Variants in NHSL2 observed in about 807,000 individuals in gnomAD.
NHSL2 encodes NHS like 2.
In NHSL2, 27 loss-of-function variants were observed where a neutral mutation model predicts 53.4. That is an observed-to-expected ratio of 0.51 (90% CI 0.37 to 0.70). The LOEUF (loss-of-function observed/expected upper bound fraction) is 0.70, where lower values mean the gene tolerates loss of function less well. NHSL2 is among the 30% of genes least tolerant of loss of function. NHSL2 has a pLI of 0.00. For synonymous variants in NHSL2, 408 were observed against 404.1 expected, an observed-to-expected ratio of 1.01 and a Z score of -0.12; for missense variants, 892 against 980.1, an observed-to-expected ratio of 0.91 and a Z score of 1.20.
At chrX:71,990,098 G>C (rs1467007934) in intron 1 of NHSL2, among the ~76,000 whole-genome samples, 3 of 112,305 alleles carry the variant, frequency 2.7e-5, no homozygotes, top group Non-Finnish European at 3.8e-5. Flanking sequence ...CCACAGAGCT[G>C]CTTTGGAGTG....
At chrX:72,098,262 A>G (rs2041958715) in intron 1 of NHSL2, among the ~76,000 whole-genome samples, 2 of 111,907 alleles carry the variant, frequency 1.8e-5, no homozygotes, top group Non-Finnish European at 3.8e-5. Context: ...GTTTGGAAAG[A>G]ATAGGACAGA....
chrX:72,052,097 G>A (rs1446881383), intron 1 of NHSL2, among the ~76,000 whole-genome samples: 1 of 112,209 alleles, frequency 8.9e-6, no homozygotes, highest in African/African-American at 3.2e-5. Flanking sequence ...GTTTTCCTTT[G>A]TTGCTTAGAA....
rs777290981 is a variant in NHSL2, at chrX:72,140,519, G to A, written c.2971G>A (p.Glu991Lys). The A allele has an allele frequency of 8.3e-7, 1 of 1,211,194 alleles. No individual in the cohort carries two copies. The highest frequency in any genetic ancestry group is 1.1e-6 in the Non-Finnish European group (1 of 895,247). ...LPERISLQSQ[E>K]EAEKKKGKIP... ...TGAAAGAATTAGCCTCCAGAGCCAG[G>A]AAGAAGCTGAGAAAAAGAAAGGCAA... The change falls in exon 6 of 8, where the codon GAA becomes AAA. Residue 991 changes from glutamate to lysine, a missense_variant. By Grantham distance (56) the Glu-to-Lys change is moderately conservative. Transcript: ENST00000633930.
At chrX:72,066,792 C>G (rs907286625) in intron 1 of NHSL2, among the ~76,000 whole-genome samples, 3 of 111,008 alleles carry the variant, frequency 2.7e-5, no homozygotes, top group African/African-American at 9.9e-5. Flanking sequence ...GTATTATCTA[C>G]CTGACAGGGC....
intron 1 of NHSL2, among the ~76,000 whole-genome samples, chrX:72,035,930 A>C (rs753134875): frequency 8.1e-5 from 9 of 111,750 alleles, no homozygotes; most frequent in African/African-American, 2.9e-4. Flanking sequence ...TTACCACCTG[A>C]GCTCCGCCTC....
rs149705712 is a variant in NHSL2 at position 71,919,514 on chromosome X, T to C, written c.280+8147T>C. ...TAATAAGAATGTTCCTAGACAGCTATGAATTGCAGCCATTCTTCCCTTTTC... is the reference window on the plus strand; with the variant it reads ...TAATAAGAATGTTCCTAGACAGCTACGAATTGCAGCCATTCTTCCCTTTTC... On this transcript the variant is annotated intron_variant, in intron 1 of 7. Transcript: ENST00000633930. Among the ~76,000 whole-genome samples the C allele has an allele frequency of 3.4e-3, 377 of 112,068 alleles. 1 individual carries two copies. The highest frequency in any genetic ancestry group is 5.5e-3 in the Non-Finnish European group (290 of 53,144).
chrX:72,059,532 G>T (rs1474383083), intron 1 of NHSL2, among the ~76,000 whole-genome samples: 1 of 112,049 alleles, frequency 8.9e-6, no homozygotes, highest in Non-Finnish European at 1.9e-5. Context: ...TTATGCTGTT[G>T]CTCAAAACGT....
chrX:71,935,071 ACACT>A (rs916574354), intron 1 of NHSL2, among the ~76,000 whole-genome samples: 1 of 111,803 alleles, frequency 8.9e-6, no homozygotes, highest in African/African-American at 3.3e-5. Flanking sequence ...TCACAAACAC[ACACT>A]CACACACATC....
intron 1 of NHSL2, among the ~76,000 whole-genome samples, chrX:72,002,096 T>A (rs1170663757): frequency 2.7e-5 from 3 of 112,400 alleles, no homozygotes; most frequent in African/African-American, 9.7e-5. Flanking sequence ...CAGAAAAATC[T>A]GGTAATACTG....
intron 1 of NHSL2, among the ~76,000 whole-genome samples, chrX:72,026,794 A>C (rs1057495323): frequency 2.1e-4 from 23 of 111,919 alleles, no homozygotes; most frequent in African/African-American, 7.5e-4. Context: ...CTCCCCATCT[A>C]CCCACTCATA....
intron 1 of NHSL2, among the ~76,000 whole-genome samples, chrX:72,016,153 G>A (rs1244575722): frequency 3.6e-5 from 4 of 112,355 alleles, no homozygotes; most frequent in Non-Finnish European, 7.5e-5. Flanking sequence ...TGGAATATGT[G>A]TGTGTATAGT....
intron 1 of NHSL2, among the ~76,000 whole-genome samples, chrX:71,932,520 G>A (rs866506305): frequency 3.6e-5 from 4 of 111,337 alleles, no homozygotes; most frequent in Middle Eastern, 4.6e-3. Flanking sequence ...GGATATTACC[G>A]TAGTCCGAGA....
chrX:71,982,307 GC>G (rs1450244280), intron 1 of NHSL2, among the ~76,000 whole-genome samples: 14 of 112,441 alleles, frequency 1.2e-4, no homozygotes, highest in African/African-American at 4.2e-4. Flanking sequence ...ACTAGTTGTT[GC>G]CAGGGGCTGG....
intron 1 of NHSL2, among the ~76,000 whole-genome samples, chrX:71,921,183 C>T (rs896117934): frequency 8.3e-5 from 9 of 108,702 alleles, no homozygotes; most frequent in Admixed American, 3.9e-4. Context: ...TTTGGGAGGC[C>T]GAGGCTGGTG....
chrX:71,924,851 CCT>C (rs1469678853), intron 1 of NHSL2, among the ~76,000 whole-genome samples: 2 of 112,122 alleles, frequency 1.8e-5, no homozygotes, highest in African/African-American at 6.5e-5. Context: ...TGGTGTTGAG[CCT>C]CTGTTTTCTG....
intron 1 of NHSL2, among the ~76,000 whole-genome samples, chrX:72,058,088 T>C (rs1453723657): frequency 8.9e-6 from 1 of 111,806 alleles, no homozygotes; most frequent in Non-Finnish European, 1.9e-5. Context: ...AGGTGTGAGC[T>C]CAACAGGCCT....
intron 1 of NHSL2, chrX:72,131,549 G>C: frequency 3.4e-6 from 4 of 1,162,840 alleles, no homozygotes; most frequent in South Asian, 2.0e-5. Context: ...ATCTCGACAA[G>C]CCCAGGGGCC....
chrX:71,963,748 A>G (rs1236162335), intron 1 of NHSL2, among the ~76,000 whole-genome samples: 1 of 105,539 alleles, frequency 9.5e-6, no homozygotes, highest in Non-Finnish European at 1.9e-5. Flanking sequence ...ACATGGGGAG[A>G]CCCCAGCTCT....
chrX:71,980,563 GTGTGGGGTGTGTGTGTGTGT>G (rs1569468952), intron 1 of NHSL2, among the ~76,000 whole-genome samples: 33 of 5,979 alleles, frequency 5.5e-3, no homozygotes, highest in Non-Finnish European at 0.032. Flanking sequence ...TGTGTGGGGT[GTGTGGGGTGTGTGTGTGTGT>G]GTGTGTGTGT....
Sources: allele counts gnomAD v4.1 joint callset (sites outside exome capture counted in the v4.1 genomes callset), GRCh38; gene constraint gnomAD v4.1.1; transcripts MANE v1.5; gene names NCBI Gene and HGNC (gene_info 2026-07-23, HGNC 2026-07-21).